The following PCDHA3 variants were observed in gnomAD, a reference collection of about 807,000 sequenced individuals.
The protein encoded by PCDHA3 is protocadherin alpha-3.
In PCDHA3, 41 loss-of-function variants were observed where a neutral mutation model predicts 62.2. The ratio of observed to expected loss-of-function variants is 0.66; its 90% CI spans 0.51 to 0.86. The LOEUF is 0.86. Ranked by LOEUF, PCDHA3 falls within the 40% of genes least tolerant of loss-of-function variation. PCDHA3 has a pLI of 0.00. For missense variants in PCDHA3, 1,304 were observed against 1,241.2 expected (o/e 1.05, Z -0.76); for synonymous variants, 640 against 555.4 (o/e 1.15, Z -2.14).
At chr5:140,807,999 A>G (rs1554124378) in intron 1 of PCDHA3, 1 of 1,613,834 alleles carries the variant, frequency 6.2e-7, no homozygotes, top group South Asian at 1.1e-5. Flanking sequence ...GATTTAGACG[A>G]AGGATTGAAT....
chr5:140,888,513 A>C (rs1208227299), intron 1 of PCDHA3, among the ~76,000 whole-genome samples: 5 of 152,216 alleles, frequency 3.3e-5, no homozygotes, highest in African/African-American at 4.8e-5. Context: ...TCTTGGACTT[A>C]GTTCTGACGT....
chr5:140,891,934 T>C lies in PCDHA3; in HGVS notation c.2395-87015T>C, dbSNP rs373423866. Among the ~76,000 whole-genome samples the C allele has an allele frequency of 5.9e-5, 9 of 152,230 alleles. No homozygotes were observed. The East Asian group carries it at 9.6e-4, about 16-fold the overall frequency. ...AGATGCTGGTGCCTTGATCTTGGAC[T>C]TCCCCTAGGCTCCAGAATTGTGAGA... On this transcript the variant is annotated intron_variant, in intron 1 of 3. Transcript: ENST00000522353.
chr5:140,927,193 C>A, intron 1 of PCDHA3: 1 of 1,614,186 alleles, frequency 6.2e-7, no homozygotes, highest in Non-Finnish European at 8.5e-7. Context: ...CGACCTGGTG[C>A]TCGAGGACCC....
At chr5:140,858,533 T>C in intron 1 of PCDHA3, 4 of 1,397,322 alleles carry the variant, frequency 2.9e-6, no homozygotes, top group Non-Finnish European at 4.0e-6. Context: ...TTCATTTTTG[T>C]CTACATTCCA....
intron 1 of PCDHA3, chr5:140,926,797 T>G: frequency 2.1e-6 from 3 of 1,450,476 alleles, no homozygotes; most frequent in Non-Finnish European, 1.8e-6. Flanking sequence ...AGGAGCGTGC[T>G]CTTCCCCGCG....
chr5:140,884,350 G>A, intron 1 of PCDHA3: 1 of 1,613,918 alleles, frequency 6.2e-7, no homozygotes, highest in South Asian at 1.1e-5. Flanking sequence ...CGGCGCTGGT[G>A]GATGTCAATG....
At position 140,842,876 on chromosome 5, in the gene PCDHA3, G is replaced by T. The variant is rs2150347081; in HGVS notation, c.2394+39285G>T. ...GCACACGGAGAGCGGCAAGGTGTAC[G>T]CGCTGCAGCCGCTGGACCACGAGGA... On this transcript the variant is annotated intron_variant, in intron 1 of 3. Transcript: ENST00000522353. 5.9e-3 allele frequency: 9,472 copies of T among 1,593,878 alleles called. 1,015 individuals are homozygous for T. The African/African-American group carries it at 0.11, about 18-fold the overall frequency.
At chr5:140,887,348 G>C (rs997332881) in intron 1 of PCDHA3, among the ~76,000 whole-genome samples, 1 of 151,978 alleles carries the variant, frequency 6.6e-6, no homozygotes, top group Non-Finnish European at 1.5e-5. Flanking sequence ...CACCTGGCTC[G>C]GCCTCCCAAA....
chr5:140,925,084 AGGAAGGAAGGAAGGAAGGAAGGAG>A (rs1554202501), intron 1 of PCDHA3, among the ~76,000 whole-genome samples: 1 of 144,612 alleles, frequency 6.9e-6, no homozygotes, highest in Admixed American at 6.7e-5. Flanking sequence ...TCATCTGGAA[AGGAAGGAAGGAAGGAAGGAAGGAG>A]GGAAGGAAGG....
chr5:140,846,261 G>T (rs922886728), intron 1 of PCDHA3, among the ~76,000 whole-genome samples: 4 of 148,852 alleles, frequency 2.7e-5, no homozygotes, highest in Admixed American at 6.7e-5. Flanking sequence ...TTTTGATGAT[G>T]ATTTAAAGTC....
At chr5:140,811,381 G>A (rs1581713992) in intron 1 of PCDHA3, 1 of 152,178 alleles carries the variant, frequency 6.6e-6, no homozygotes, top group East Asian at 1.9e-4. Context: ...GTGTATATGT[G>A]TCACATTTTC....
rs150962684 is a variant in PCDHA3 at position 140,829,379 on chromosome 5, G to A, written c.2394+25788G>A. The A allele has an allele frequency of 1.9e-4, 311 of 1,614,184 alleles. 1 individual carries two copies. The African/African-American group carries it at 3.5e-3, about 18-fold the overall frequency. The stretch of plus-strand genomic sequence containing the variant: ...TGAGTTGGTGGTAACCGCGCGGGAC[G>A]GGGGCTCGCCTTCGCTGTGGGCCAC... On this transcript the variant is annotated intron_variant, in intron 1 of 3. Coordinates refer to ENST00000522353, the MANE Select transcript of PCDHA3 (RefSeq NM_018906.3).
At chr5:140,923,785 C>T (rs2081509867) in intron 1 of PCDHA3, among the ~76,000 whole-genome samples, 1 of 152,156 alleles carries the variant, frequency 6.6e-6, no homozygotes, top group African/African-American at 2.4e-5. Flanking sequence ...ATGGTTTCTT[C>T]ATTCTTTTCA....
At chr5:140,927,748 G>T (rs782605586) in intron 1 of PCDHA3, 3 of 1,614,206 alleles carry the variant, frequency 1.9e-6, no homozygotes, top group Admixed American at 1.7e-5. Flanking sequence ...CCGCTTTCAC[G>T]TGCACCCTAA....
chr5:140,844,476 CTA>C (rs2150371659), intron 1 of PCDHA3, among the ~76,000 whole-genome samples: 3,169 of 149,252 alleles, frequency 0.021, 219 homozygotes, highest in African/African-American at 0.04. Context: ...TTTTGAGCCT[CTA>C]TGTTTAGGAA....
chr5:140,959,347 C>T (rs561977478), intron 1 of PCDHA3, among the ~76,000 whole-genome samples: 4 of 151,938 alleles, frequency 2.6e-5, no homozygotes, highest in Admixed American at 6.6e-5. Context: ...TGCACTCCAG[C>T]GGGACAACTG....
chr5:140,869,591 A>G (rs782105068), intron 1 of PCDHA3: 2 of 1,614,020 alleles, frequency 1.2e-6, no homozygotes, highest in Non-Finnish European at 1.7e-6. Flanking sequence ...GCTGACATTG[A>G]AGAGAATGCT....
intron 1 of PCDHA3, among the ~76,000 whole-genome samples, chr5:140,955,134 C>T (rs868995724): frequency 3.3e-5 from 5 of 152,022 alleles, no homozygotes; most frequent in African/African-American, 1.2e-4. Context: ...CTGGTCTACA[C>T]GTCTGTTTTT....
intron 1 of PCDHA3, chr5:140,831,157 A>G (rs1274029046): frequency 6.6e-6 from 1 of 152,206 alleles, no homozygotes; most frequent in African/African-American, 2.4e-5. Context: ...ACCGATCTAA[A>G]TAATGGAAAA....
Sources: allele counts gnomAD v4.1 joint callset (sites outside exome capture counted in the v4.1 genomes callset), GRCh38; gene constraint gnomAD v4.1.1; transcripts MANE v1.5; gene names NCBI Gene and HGNC (gene_info 2026-07-23, HGNC 2026-07-21).